The following CORO7 variants were observed in gnomAD, a reference collection of about 807,000 sequenced individuals.
The protein encoded by CORO7 is coronin 7.
In CORO7, 107 loss-of-function variants were observed where a neutral mutation model predicts 126.6. The observed-to-expected ratio is 0.85, with a 90% confidence interval of 0.72 to 0.99. The LOEUF is 0.99. Ranked by LOEUF, CORO7 falls within the 50% of genes least tolerant of loss-of-function variation. The pLI, the probability that CORO7 is intolerant of heterozygous loss-of-function variation, is 0.00. For missense variants in CORO7, 1,314 were observed against 1,255.8 expected, an observed-to-expected ratio of 1.05 and a Z score of -0.70; for synonymous variants, 603 against 536.8, an observed-to-expected ratio of 1.12 and a Z score of -1.70.
chr16:4,370,402 C>A (rs940277894), intron 9 of CORO7, among the ~76,000 whole-genome samples: 3 of 152,188 alleles, frequency 2.0e-5, no homozygotes, highest in Non-Finnish European at 4.4e-5. Context: ...GCCACTCAGC[C>A]CCAGCTGAGA....
intron 7 of CORO7, among the ~76,000 whole-genome samples, chr16:4,393,749 A>C (rs548770483): frequency 6.6e-6 from 1 of 152,336 alleles, no homozygotes; most frequent in South Asian, 2.1e-4. Flanking sequence ...GTAGGACCCT[A>C]AACTTCACCT....
Position 4,355,765 on chromosome 16 carries a change from G to A in CORO7, c.2686-393C>T, listed in dbSNP as rs545133365. ...ATTACAGGCGTGAGCCACAGCGCCC[G>A]GCCTTTTTGTTTGTTTGTTTGTTTT... On this transcript the variant is annotated intron_variant, in intron 26 of 27. Coordinates refer to ENST00000251166, the MANE Select transcript of CORO7 (RefSeq NM_024535.5). Among the ~76,000 whole-genome samples, 10 of 151,994 alleles carry A rather than the reference G, an allele frequency of 6.6e-5. No homozygotes were observed. In the South Asian group the frequency reaches 1.2e-3, roughly 19 times the overall value.
In CORO7 at chr16:4,362,266, C is replaced by T. The variant is rs113973291; in HGVS notation, c.1403-106G>A. 26 of 1,439,152 alleles carry T rather than the reference C, an allele frequency of 1.8e-5. 1 individual carries two copies. The African/African-American group carries it at 3.6e-4, about 20-fold the overall frequency. The allele number at this position is 1,439,152 out of a possible 1,614,324, so 89.1% of individuals were successfully genotyped here. A position where few individuals can be genotyped will look rare whatever the true frequency, so the allele number is the denominator to read the frequency against. On this transcript the variant is annotated intron_variant, in intron 15 of 27. Transcript: ENST00000251166. This position sits in a 1 kb window ranked among gnomAD's most constrained non-coding sequence, Gnocchi z 5.3. ...ACTCCCCTCACCCCAGGTGGATGTA[C>T]AGCATGGACCTAGGCCCAGGCCTTT...
rs764437924 is a variant in CORO7 at position 4,382,604 on chromosome 16, T to A, written c.785+5382A>T. ...CAGGCCCGCGAGGGCAACCTGCCGC[T>A]CCTCATTGCGCCCGCCCTGGCCGCG... On this transcript the variant is annotated intron_variant, in intron 9 of 27. Coordinates refer to ENST00000251166, the MANE Select transcript of CORO7 (RefSeq NM_024535.5). 1.2e-4 allele frequency: 190 copies of A among 1,589,524 alleles called. No individual in the cohort carries two copies. Among genetic ancestry groups the A allele is most frequent in the Non-Finnish European group, 1.5e-4 (175 of 1,169,734 alleles).
intron 9 of CORO7, among the ~76,000 whole-genome samples, chr16:4,370,036 T>C (rs536637524): frequency 6.6e-6 from 1 of 151,892 alleles, no homozygotes; most frequent in African/African-American, 2.4e-5. Flanking sequence ...GGGCAGGGGG[T>C]GAACACCAGG....
chr16:4,395,264 A>ACC (rs2055540753), intron 7 of CORO7, 25 bp downstream of exon 7: 5 of 1,613,272 alleles, frequency 3.1e-6, no homozygotes, highest in Non-Finnish European at 4.2e-6. Context: ...GCTTCAACCC[A>ACC]CCCCAGCTTG....
chr16:4,371,005 G>C (rs1406085566), intron 9 of CORO7, among the ~76,000 whole-genome samples: 1 of 152,250 alleles, frequency 6.6e-6, no homozygotes, highest in Non-Finnish European at 1.5e-5. Context: ...TCCAAGGCAG[G>C]GGATTTTTCT....
At chr16:4,357,907 C>A in intron 25 of CORO7, 61 bp downstream of exon 25, 2 of 1,552,688 alleles carry the variant, frequency 1.3e-6, no homozygotes, top group South Asian at 2.3e-5. Context: ...CAACCTGGGC[C>A]TTCTGTCCCT....
At chr16:4,397,667 G>A (rs969405897) in intron 6 of CORO7, among the ~76,000 whole-genome samples, 2 of 152,092 alleles carry the variant, frequency 1.3e-5, no homozygotes, top group African/African-American at 4.8e-5. Context: ...AGGCTGGAGT[G>A]CAGTGGCGCG....
chr16:4,378,211 G>A (rs1309914381), intron 9 of CORO7, among the ~76,000 whole-genome samples: 1 of 152,170 alleles, frequency 6.6e-6, no homozygotes, highest in Non-Finnish European at 1.5e-5. Context: ...AGAAACCGAG[G>A]TGTGAGAGCA....
At chr16:4,373,991 G>A (rs941148610) in intron 9 of CORO7, among the ~76,000 whole-genome samples, 2 of 152,200 alleles carry the variant, frequency 1.3e-5, no homozygotes, top group Non-Finnish European at 2.9e-5. Context: ...TCCCCTCCCT[G>A]GGCTGGGGAG....
In CORO7 at chr16:4,365,016, C is replaced by T. The variant is rs148905940; in HGVS notation, c.885G>A (p.Pro295=). ...AGCAAGGCTTACCTGGGCTCAGCGC[C>T]GGCTGCTGCGGGACCACCTCGTAAC... ...LYCYEVVPQQ[P]ALSPVTQCVL... is the part of the protein sequence containing the mutation. Residue 295 remains proline, a synonymous_variant, in exon 11 of 28, where the codon CCG becomes CCA. Coordinates refer to ENST00000251166, the MANE Select transcript of CORO7 (RefSeq NM_024535.5). The T allele has an allele frequency of 1.3e-4, 211 of 1,605,822 alleles. 1 individual carries two copies. The African/African-American group carries it at 1.5e-3, about 11-fold the overall frequency.
intron 6 of CORO7, among the ~76,000 whole-genome samples, chr16:4,398,766 A>G (rs1175241057): frequency 6.6e-6 from 1 of 151,606 alleles, no homozygotes; most frequent in East Asian, 1.9e-4. Context: ...TCAGGAGTTC[A>G]AGACCAGTGT....
chr16:4,381,006 G>T (rs1308410023), intron 9 of CORO7: 1 of 1,608,862 alleles, frequency 6.2e-7, no homozygotes. Flanking sequence ...CCCGCCAGGG[G>T]ACCACGGTGC....
intron 6 of CORO7, among the ~76,000 whole-genome samples, chr16:4,403,039 C>T (rs975639501): frequency 6.2e-4 from 94 of 152,108 alleles, no homozygotes; most frequent in African/African-American, 2.2e-3. Flanking sequence ...TGGGGGCACA[C>T]TCTGGTGGAA....
intron 1 of CORO7, chr16:4,415,873 C>T: frequency 1.0e-6 from 1 of 985,518 alleles, no homozygotes; most frequent in Non-Finnish European, 1.2e-6. Flanking sequence ...CCCCACCCAG[C>T]CGTGGCAGCA....
At chr16:4,388,740 C>T in intron 7 of CORO7, 109 bp from the exon 8 acceptor site, 1 of 1,235,432 alleles carries the variant, frequency 8.1e-7, no homozygotes, top group Non-Finnish European at 1.1e-6. Flanking sequence ...GCCTGAAAGC[C>T]TCACAGAGGG....
chr16:4,385,006 G>T (rs972718147), intron 9 of CORO7, among the ~76,000 whole-genome samples: 1 of 152,184 alleles, frequency 6.6e-6, no homozygotes, highest in Non-Finnish European at 1.5e-5. Context: ...AAAAAAGGAA[G>T]CCTTCCCTGG....
chr16:4,404,991 G>A (rs577532286), intron 6 of CORO7, among the ~76,000 whole-genome samples: 1 of 152,276 alleles, frequency 6.6e-6, no homozygotes, highest in African/African-American at 2.4e-5. Context: ...GCACCTGCCT[G>A]TCCTGGCCCC....
Sources: gnomAD v4.1 joint callset for allele counts (sites outside exome capture counted in the v4.1 genomes callset) on GRCh38, gnomAD v4.1.1 for gene constraint, Gnocchi (gnomAD v3.1) non-coding constraint, MANE v1.5 for transcripts, NCBI Gene and HGNC (gene_info 2026-07-23, HGNC 2026-07-21) for gene names.